Variants in MYCBP2 observed in about 807,000 individuals in gnomAD.
MYCBP2 encodes the protein MYC binding protein 2.
Under a neutral mutation model 525.3 loss-of-function variants are expected in MYCBP2, and 120 were observed. The observed-to-expected ratio is 0.23, with a 90% confidence interval of 0.20 to 0.27. The LOEUF (loss-of-function observed/expected upper bound fraction) is 0.27, where lower values mean the gene tolerates loss of function less well. Among genes scored for constraint, MYCBP2 ranks in the 10% least tolerant of loss-of-function variants. The pLI, the probability that MYCBP2 is intolerant of heterozygous loss-of-function variation, is 1.00. For synonymous variants in MYCBP2, 1,894 were observed against 1,955.8 expected (o/e 0.97, Z 0.83); for missense variants, 4,149 against 5,657.1 (o/e 0.73, Z 8.55).
intron 46 of MYCBP2, among the ~76,000 whole-genome samples, chr13:77,154,967 G>A (rs1343670491): frequency 6.6e-6 from 1 of 151,932 alleles, no homozygotes; most frequent in African/African-American, 2.4e-5. Context: ...ATGTGTGTAT[G>A]TATATATAAA....
intron 36 of MYCBP2, among the ~76,000 whole-genome samples, chr13:77,174,908 T>TGG (rs2059479516): frequency 4.5e-4 from 1 of 2,224 alleles, no homozygotes; most frequent in Non-Finnish European, 9.7e-4. Context: ...ACTATATATA[T>TGG]ATAATATATA....
At chr13:77,125,677 T>C (rs185296254) in intron 53 of MYCBP2, among the ~76,000 whole-genome samples, 3 of 152,306 alleles carry the variant, frequency 2.0e-5, no homozygotes, top group Admixed American at 2.0e-4. Context: ...ATGAATTTGG[T>C]TAAAATAATA....
intron 3 of MYCBP2, among the ~76,000 whole-genome samples, chr13:77,284,441 C>T (rs2076526815): frequency 6.6e-6 from 1 of 152,138 alleles, no homozygotes; most frequent in Non-Finnish European, 1.5e-5. Flanking sequence ...CACCTCAAAC[C>T]TTAAGAGACT....
chr13:77,292,958 CAAA>C (rs548135428), intron 2 of MYCBP2, among the ~76,000 whole-genome samples: 4 of 61,308 alleles, frequency 6.5e-5, no homozygotes, highest in Non-Finnish European at 1.0e-4. Context: ...GACTCCGTCT[CAAA>C]AAAAAAAAAA....
chr13:77,161,594 T>A (rs2057931909), intron 44 of MYCBP2, among the ~76,000 whole-genome samples: 1 of 152,184 alleles, frequency 6.6e-6, no homozygotes, highest in Non-Finnish European at 1.5e-5. Context: ...GAAAAACAAA[T>A]TCTTTCAAGA....
chr13:77,305,044 G>A (rs1009644586), intron 1 of MYCBP2, among the ~76,000 whole-genome samples: 2 of 151,912 alleles, frequency 1.3e-5, no homozygotes, highest in Non-Finnish European at 2.9e-5. Flanking sequence ...CTCTAGACTC[G>A]GATGGCTTTG....
chr13:77,119,046 C>T (rs1164507687), intron 55 of MYCBP2, among the ~76,000 whole-genome samples: 1 of 151,840 alleles, frequency 6.6e-6, no homozygotes, highest in Admixed American at 6.6e-5. Flanking sequence ...TTGTTACTGC[C>T]AAAGAAATTC....
At chr13:77,107,288 CAT>C (rs2047999775) in intron 55 of MYCBP2, among the ~76,000 whole-genome samples, 1 of 152,054 alleles carries the variant, frequency 6.6e-6, no homozygotes, top group African/African-American at 2.4e-5. Context: ...TTATTTAAAA[CAT>C]ATTTAGAAAC....
intron 18 of MYCBP2, among the ~76,000 whole-genome samples, chr13:77,227,865 T>A (rs1566980130): frequency 6.6e-6 from 1 of 152,054 alleles, no homozygotes; most frequent in Non-Finnish European, 1.5e-5. Context: ...ACAACCACAA[T>A]GACTAAAAAA....
At chr13:77,200,101 G>A (rs552622002) in intron 26 of MYCBP2, among the ~76,000 whole-genome samples, 3,294 of 152,042 alleles carry the variant, frequency 0.022, 118 homozygotes, top group African/African-American at 0.076. Flanking sequence ...TCTGAGCTAC[G>A]GGAGGACATT....
chr13:77,165,116 C>A (rs1416697945), intron 42 of MYCBP2, among the ~76,000 whole-genome samples, 157 bp downstream of exon 42: 1 of 152,160 alleles, frequency 6.6e-6, no homozygotes, highest in Non-Finnish European at 1.5e-5. Flanking sequence ...ATTCTCTCAC[C>A]TCTCAAAGTG....
intron 36 of MYCBP2, 127 bp from the exon 37 acceptor site, chr13:77,174,616 TAA>T: frequency 5.7e-6 from 4 of 705,740 alleles, no homozygotes; most frequent in South Asian, 2.1e-5. Flanking sequence ...TATAATTAAA[TAA>T]GTTTTTAATG....
At chr13:77,114,962 T>C (rs1406579964) in intron 55 of MYCBP2, among the ~76,000 whole-genome samples, 1 of 151,992 alleles carries the variant, frequency 6.6e-6, no homozygotes, top group Non-Finnish European at 1.5e-5. Flanking sequence ...AGTTGGATAA[T>C]CTTGCTTAGA....
At chr13:77,129,269 G>T in intron 52 of MYCBP2, 1 of 397,012 alleles carries the variant, frequency 2.5e-6, no homozygotes, top group South Asian at 1.3e-4. Flanking sequence ...TATCAACAAA[G>T]AAAGGGAACA....
chr13:77,321,649 C>T (rs528112751), intron 1 of MYCBP2, among the ~76,000 whole-genome samples: 8 of 152,314 alleles, frequency 5.3e-5, no homozygotes, highest in African/African-American at 1.9e-4. Flanking sequence ...CTACTGTTAC[C>T]TACATACAAA....
intron 35 of MYCBP2, among the ~76,000 whole-genome samples, chr13:77,176,853 CTT>C (rs1165530058): frequency 6.6e-6 from 1 of 152,076 alleles, no homozygotes; most frequent in East Asian, 1.9e-4. Flanking sequence ...CATCTGATGA[CTT>C]AAACTATTTC....
chr13:77,296,647 TTTC>T lies in MYCBP2; in HGVS notation c.327_329del (p.Lys110del), dbSNP rs766913437. 15 of 1,504,986 alleles carry T rather than the reference TTTC, an allele frequency of 1.0e-5. No individual in the cohort carries two copies. Among genetic ancestry groups the T allele is most frequent in the East Asian group, 2.3e-5 (1 of 42,676 alleles). 93.2% of individuals were successfully genotyped at this position (1,504,986 alleles called of 1,614,324 possible). The stretch of plus-strand genomic sequence containing the variant: ...ATTTGCTCTTCTGTTTTCTTTTCAA[TTTC>T]TTCTTATTTAAAATTTTCTTATTCC... On this transcript the variant is annotated inframe_deletion, in exon 2 of 83. Coordinates refer to ENST00000544440, the MANE Select transcript of MYCBP2 (RefSeq NM_015057.5).
At chr13:77,049,794 C>T (rs957796723) in intron 82 of MYCBP2, among the ~76,000 whole-genome samples, 1 of 152,112 alleles carries the variant, frequency 6.6e-6, no homozygotes, top group Non-Finnish European at 1.5e-5. Flanking sequence ...CGCCACCATG[C>T]CTGGCTAATT....
rs527367393 is a variant in MYCBP2, at chr13:77,061,764, A to T, written c.12801T>A (p.Gly4267=). The part of the protein sequence containing the change: ...QMPMCDNHDD[G]ETAAIILCNV... Reference sequence around the variant, plus strand: ...TGCATAAAATGATTGCTGCAGTTTCACCATCATCATGGTTATCACACATAG... The same window carrying T: ...TGCATAAAATGATTGCTGCAGTTTCTCCATCATCATGGTTATCACACATAG... Residue 4267 remains glycine (G), a synonymous_variant, in exon 75 of 83, where the codon GGT becomes GGA. Transcript: ENST00000544440. The T allele has an allele frequency of 6.2e-7, 1 of 1,608,798 alleles. No homozygotes were observed. Among genetic ancestry groups the T allele is most frequent in the East Asian group, 2.2e-5 (1 of 44,664 alleles).
Sources: gnomAD v4.1 joint callset for allele counts (sites outside exome capture counted in the v4.1 genomes callset) on GRCh38, gnomAD v4.1.1 for gene constraint, MANE v1.5 for transcripts, NCBI Gene and HGNC (gene_info 2026-07-23, HGNC 2026-07-21) for gene names.